Variants in PCDH15 observed in about 807,000 individuals in gnomAD.
The protein encoded by PCDH15 is protocadherin related 15.
PCDH15 carries 129 observed loss-of-function variants against 178.5 expected under a neutral mutation model. The observed-to-expected ratio is 0.72, with a 90% CI of 0.63 to 0.84. The LOEUF is 0.84. PCDH15 is among the 40% of genes least tolerant of loss of function. PCDH15 has a pLI of 0.00. For missense variants in PCDH15, 2,230 were observed against 2,099.9 expected, an observed-to-expected ratio of 1.06 and a Z score of -1.21; for synonymous variants, 800 against 732.0, an observed-to-expected ratio of 1.09 and a Z score of -1.50.
intron 1 of PCDH15, among the ~76,000 whole-genome samples, chr10:55,297,704 TA>T (rs1843167914): frequency 6.6e-6 from 1 of 152,146 alleles, no homozygotes; most frequent in African/African-American, 2.4e-5. Context: ...AACTGAATAC[TA>T]AGGTGTTTGC....
chr10:55,463,100 A>G (rs1261148519), intron 2 of PCDH15, among the ~76,000 whole-genome samples: 1 of 149,356 alleles, frequency 6.7e-6, no homozygotes. Flanking sequence ...ATCCAAGAGA[A>G]AAAAAAAAAA....
At chr10:54,573,518 C>A (rs1168579684) in intron 2 of PCDH15, among the ~76,000 whole-genome samples, 1 of 152,156 alleles carries the variant, frequency 6.6e-6, no homozygotes, top group Non-Finnish European at 1.5e-5. Context: ...TGACTCATTT[C>A]CCCTGAAGGT....
intron 8 of PCDH15, among the ~76,000 whole-genome samples, chr10:54,242,179 TATATATATACACACACAC>T (rs2055451772): frequency 1.2e-5 from 1 of 82,444 alleles, no homozygotes; most frequent in African/African-American, 5.7e-5. Context: ...TATATATATA[TATATATATACACACACAC>T]ACATACATAC....
chr10:55,188,920 T>C (rs1483107288), intron 1 of PCDH15, among the ~76,000 whole-genome samples: 1 of 151,844 alleles, frequency 6.6e-6, no homozygotes, highest in African/African-American at 2.4e-5. Flanking sequence ...AACAGTTACA[T>C]GGAACTTATC....
chr10:54,394,214 A>T (rs1950908301), intron 3 of PCDH15, among the ~76,000 whole-genome samples: 1 of 151,734 alleles, frequency 6.6e-6, no homozygotes, highest in Non-Finnish European at 1.5e-5. Flanking sequence ...TCATTTTTAC[A>T]TTCTTATTAT....
At chr10:53,953,294 C>A (rs886648127) in intron 23 of PCDH15, among the ~76,000 whole-genome samples, 3 of 152,262 alleles carry the variant, frequency 2.0e-5, no homozygotes, top group African/African-American at 7.2e-5. Context: ...ATGAAGCACA[C>A]AATGTCTTGA....
intron 2 of PCDH15, among the ~76,000 whole-genome samples, chr10:55,154,841 T>C (rs1238628058): frequency 2.0e-5 from 3 of 152,174 alleles, no homozygotes; most frequent in African/African-American, 7.2e-5. Context: ...AATAAGTTAG[T>C]GTATCAGTGA....
At chr10:54,801,929 T>C (rs10733933), upstream of PCDH15, among the ~76,000 whole-genome samples, 114,700 of 152,150 alleles carry the variant, frequency 0.75, 43,420 homozygotes, top group South Asian at 0.87. Context: ...AATTATGTCA[T>C]ATAAATCAGA....
At chr10:54,014,801 C>T (rs1428176325) in intron 20 of PCDH15, among the ~76,000 whole-genome samples, 1 of 152,076 alleles carries the variant, frequency 6.6e-6, no homozygotes, top group Non-Finnish European at 1.5e-5. Flanking sequence ...GCACAGCCAA[C>T]GTCACACTGA....
intron 2 of PCDH15, among the ~76,000 whole-genome samples, chr10:55,473,097 T>C (rs1357186479): frequency 6.6e-6 from 1 of 152,106 alleles, no homozygotes; most frequent in African/African-American, 2.4e-5. Context: ...AAGTCCTGAG[T>C]TATACAAATG....
At chr10:54,061,876 A>C in intron 18 of PCDH15, among the ~76,000 whole-genome samples, 1 of 152,138 alleles carries the variant, frequency 6.6e-6, no homozygotes, top group East Asian at 1.9e-4. Flanking sequence ...ATAATCCATA[A>C]ATTTGCTTCA....
chr10:54,535,261 A>G (rs186788774), intron 2 of PCDH15, among the ~76,000 whole-genome samples: 1 of 152,214 alleles, frequency 6.6e-6, no homozygotes, highest in Non-Finnish European at 1.5e-5. Context: ...CATTGCTTTC[A>G]TCAATACAAT....
intron 3 of PCDH15, among the ~76,000 whole-genome samples, chr10:54,464,227 C>A (rs1257600531): frequency 1.3e-5 from 2 of 152,014 alleles, no homozygotes; most frequent in Non-Finnish European, 2.9e-5. Context: ...ATGAGCATTA[C>A]AAATTTTAAT....
chr10:55,013,332 T>C (rs1002946423), intron 2 of PCDH15, among the ~76,000 whole-genome samples: 1 of 150,074 alleles, frequency 6.7e-6, no homozygotes, highest in Non-Finnish European at 1.5e-5. Flanking sequence ...TGTGGATATG[T>C]GTTGCCAATT....
At chr10:54,192,286 T>C (rs2049116703) in intron 11 of PCDH15, among the ~76,000 whole-genome samples, 1 of 151,818 alleles carries the variant, frequency 6.6e-6, no homozygotes, top group South Asian at 2.1e-4. Flanking sequence ...TTTGAGCTTT[T>C]GAATAAATCA....
intron 2 of PCDH15, among the ~76,000 whole-genome samples, chr10:54,612,460 T>C (rs1802764078): frequency 6.6e-6 from 1 of 151,804 alleles, no homozygotes; most frequent in Admixed American, 6.6e-5. Context: ...CTAAATAAAA[T>C]GATTAATTTT....
intron 21 of PCDH15, among the ~76,000 whole-genome samples, chr10:53,978,640 A>G (rs1174392472): frequency 6.9e-6 from 1 of 144,210 alleles, no homozygotes; most frequent in African/African-American, 2.6e-5. Context: ...GCCAACTGGA[A>G]TTCCTCTCCA....
chr10:55,593,626 A>C (rs1842885891), intron 2 of PCDH15, among the ~76,000 whole-genome samples: 1 of 151,960 alleles, frequency 6.6e-6, no homozygotes, highest in South Asian at 2.1e-4. Flanking sequence ...AAGATTAATT[A>C]CTGTTTTAGC....
At chr10:54,530,001 T>G (rs2083748445) in intron 2 of PCDH15, among the ~76,000 whole-genome samples, 1 of 152,016 alleles carries the variant, frequency 6.6e-6, no homozygotes, top group South Asian at 2.1e-4. Context: ...TGAATGTTGG[T>G]AGAGGAATAA....
Sources: gnomAD v4.1 joint callset for allele counts (sites outside exome capture counted in the v4.1 genomes callset) on GRCh38, gnomAD v4.1.1 for gene constraint, MANE v1.5 for transcripts, NCBI Gene and HGNC (gene_info 2026-07-23, HGNC 2026-07-21) for gene names.